Variants in SLC16A5 observed in about 807,000 individuals in gnomAD.
SLC16A5 encodes monocarboxylate transporter 6.
In SLC16A5, 29 loss-of-function variants were observed where a neutral mutation model predicts 33.2. The observed-to-expected ratio is 0.87, with a 90% CI of 0.65 to 1.19. SLC16A5 has a LOEUF of 1.19. SLC16A5 is among the 50% of genes most tolerant of loss of function. SLC16A5 has a pLI of 0.00. For synonymous variants in SLC16A5, 248 were observed against 284.1 expected (o/e 0.87, Z 1.28); for missense variants, 606 against 678.2 (o/e 0.89, Z 1.18).
In SLC16A5 at chr17:75,098,237, C is replaced by G. The variant is rs2073746358; in HGVS notation, c.343+56C>G. 1.9e-5 allele frequency: 31 copies of G among 1,605,310 alleles called. No individual in the cohort carries two copies. The South Asian group carries it at 3.4e-4, about 18-fold the overall frequency. On this transcript the variant is annotated intron_variant, in intron 4 of 6. Coordinates refer to ENST00000329783, the MANE Select transcript of SLC16A5 (RefSeq NM_004695.4). Reference sequence around the variant, plus strand: ...GGCACCTGCTAGAAAGTGCCAGGCACAAGTGGACAGGGCAGGCAGGCCTCT... The same window carrying G: ...GGCACCTGCTAGAAAGTGCCAGGCAGAAGTGGACAGGGCAGGCAGGCCTCT...
In SLC16A5 at chr17:75,104,134, T is replaced by G; in HGVS notation, c.1318T>G (p.Leu440Val). Residue 440 changes from leucine to valine, a missense_variant, in exon 6 of 7, where the codon TTG (leucine) becomes GTG (valine). By Grantham distance (32) the Leu-to-Val change is conservative. Transcript: ENST00000329783. ...GGATGCCCTGGAGCGGGATCTTTTC[T>G]TGGAAGCCAAAGACGGTCCTGGGAA... ...AADALERDLF[L>V]EAKDGPGKQR... 1 of 1,614,208 alleles carries G rather than the reference T, an allele frequency of 6.2e-7. No individual in the cohort carries two copies. Among genetic ancestry groups the G allele is most frequent in the Non-Finnish European group, 8.5e-7 (1 of 1,180,036 alleles).
At chr17:75,101,718 T>A (rs112674222) in intron 5 of SLC16A5, among the ~76,000 whole-genome samples, 16 of 151,888 alleles carry the variant, frequency 1.1e-4, no homozygotes, top group Non-Finnish European at 2.4e-4. Flanking sequence ...CACTGCAGCC[T>A]CAACCTGCCA....
intron 2 of SLC16A5, among the ~76,000 whole-genome samples, chr17:75,092,050 T>TGTGTGTGTGC (rs1555644943): frequency 6.6e-6 from 1 of 151,698 alleles, no homozygotes; most frequent in African/African-American, 2.4e-5. Context: ...TGTGTGTGTG[T>TGTGTGTGTGC]GCACGCATGC....
At chr17:75,095,951 G>A (rs771149121) in intron 3 of SLC16A5, among the ~76,000 whole-genome samples, 1 of 151,564 alleles carries the variant, frequency 6.6e-6, no homozygotes, top group East Asian at 1.9e-4. Flanking sequence ...GAGCCACCAC[G>A]CCCAGACCAT....
chr17:75,100,229 T>A lies in SLC16A5; in HGVS notation c.566T>A (p.Ile189Lys). The change falls in exon 5 of 7, where the codon ATA (isoleucine) becomes AAA (lysine). Residue 189 changes from isoleucine to lysine, a missense_variant. By Grantham distance (102) the Ile-to-Lys change is moderately radical (BLOSUM62 -3). Coordinates refer to ENST00000329783, the MANE Select transcript of SLC16A5 (RefSeq NM_004695.4). ...FLHCCICGAI[I>K]RPVATSVAPE... ...CACTGCTGCATCTGCGGGGCCATCA[T>A]AAGGCCTGTGGCCACCAGTGTGGCC... 6.2e-7 allele frequency: 1 copy of A among 1,614,238 alleles called. No homozygotes were observed. The highest frequency in any genetic ancestry group is 8.5e-7 in the Non-Finnish European group (1 of 1,180,036).
intron 2 of SLC16A5, among the ~76,000 whole-genome samples, chr17:75,090,662 T>G (rs1287440515): frequency 6.6e-6 from 1 of 151,884 alleles, no homozygotes; most frequent in African/African-American, 2.4e-5. Context: ...GGTTTCACTA[T>G]GTTGGCCAGG....
chr17:75,104,300 A>G lies in SLC16A5; in HGVS notation c.1364+120A>G, dbSNP rs2073836955. On this transcript the variant is annotated intron_variant, in intron 6 of 6. Transcript: ENST00000329783. ...GAGGGGGACCTCTAGCTCCTTCACC[A>G]GGGGCTTGGGTGAAGAGTAGCCCAG... The G allele has an allele frequency of 1.5e-5, 22 of 1,497,808 alleles. No homozygotes were observed. The South Asian group carries it at 2.8e-4, about 19-fold the overall frequency. The allele number at this position is 1,497,808 out of a possible 1,614,324, so 92.8% of individuals were successfully genotyped here. A position where few individuals can be genotyped will look rare whatever the true frequency, so the allele number is the denominator to read the frequency against.
At chr17:75,102,355 C>T (rs2073810209) in intron 5 of SLC16A5, among the ~76,000 whole-genome samples, 1 of 152,086 alleles carries the variant, frequency 6.6e-6, no homozygotes, top group African/African-American at 2.4e-5. Context: ...TTACAGTGAA[C>T]CAAGATCACA....
At position 75,098,111 on chromosome 17, in the gene SLC16A5, C is replaced by G; in HGVS notation, c.273C>G (p.Ser91Arg). Reference sequence around the variant, plus strand: ...TGATGCTGGGGGGCGTGCTGGCCAGCCTGGGCATGGTGGCCAGCTCCTTCT... The same window carrying G: ...TGATGCTGGGGGGCGTGCTGGCCAGGCTGGGCATGGTGGCCAGCTCCTTCT... ...VTVMLGGVLA[S>R]LGMVASSFSH... Residue 91 changes from serine to arginine, a missense_variant, in exon 4 of 7, where the codon AGC becomes AGG. Coordinates refer to ENST00000329783, the MANE Select transcript of SLC16A5 (RefSeq NM_004695.4). 1 of 1,611,970 alleles carries G rather than the reference C, an allele frequency of 6.2e-7. No homozygotes were observed. The highest frequency in any genetic ancestry group is 1.1e-5 in the South Asian group (1 of 90,758).
intron 5 of SLC16A5, among the ~76,000 whole-genome samples, chr17:75,101,561 GAAAAAA>G (rs531652324): frequency 8.8e-5 from 4 of 45,672 alleles, no homozygotes; most frequent in African/African-American, 1.9e-4. Context: ...GACTCCATCT[GAAAAAA>G]AAAAAAAAAA....
chr17:75,099,958 TG>T, intron 4 of SLC16A5, 48 bp from the exon 5 acceptor site: 1 of 1,540,808 alleles, frequency 6.5e-7, no homozygotes. Context: ...TGGGTGCAGG[TG>T]GAAGGCCCCA....
At chr17:75,105,168 G>T (rs1045287265) in intron 6 of SLC16A5, 1 of 985,428 alleles carries the variant, frequency 1.0e-6, no homozygotes, top group Non-Finnish European at 1.2e-6. Context: ...CCATCCTGGC[G>T]CCTGTGCAGA....
chr17:75,092,263 ATC>A (rs1195000324), intron 2 of SLC16A5, among the ~76,000 whole-genome samples: 1 of 151,122 alleles, frequency 6.6e-6, no homozygotes, highest in African/African-American at 2.4e-5. Context: ...GACGGTACAT[ATC>A]TCTGTGTTCG....
At chr17:75,088,755 CTG>C (rs1186965110) in intron 1 of SLC16A5, among the ~76,000 whole-genome samples, 1 of 152,168 alleles carries the variant, frequency 6.6e-6, no homozygotes, top group Non-Finnish European at 1.5e-5. Context: ...CCCCTCGACT[CTG>C]GACACCAGGC....
intron 5 of SLC16A5, among the ~76,000 whole-genome samples, chr17:75,102,386 C>T (rs533140308): frequency 2.6e-5 from 4 of 151,570 alleles, no homozygotes; most frequent in Admixed American, 2.0e-4. Context: ...CCAGCCTGGG[C>T]GACAGAGTGA....
chr17:75,106,401 T>C (rs760953553), downstream of SLC16A5, among the ~76,000 whole-genome samples: 18 of 152,028 alleles, frequency 1.2e-4, no homozygotes, highest in Admixed American at 2.6e-4. Flanking sequence ...TTGGTGCTAG[T>C]ATCCACCAGG....
In SLC16A5 at chr17:75,093,816, G is replaced by A. The variant is rs369736380; in HGVS notation, c.180G>A (p.Thr60=). The change falls in exon 3 of 7, where the codon ACG becomes ACA. Residue 60 remains threonine (T), a synonymous_variant. Coordinates refer to ENST00000329783, the MANE Select transcript of SLC16A5 (RefSeq NM_004695.4). The part of the protein sequence containing the change: ...SETSWFPSIL[T]AVLHMAGPLC... ...CCTCTTGGTTCCCCTCCATCCTCAC[G>A]GCTGTGCTCCACATGGCAGGTGAGC... The A allele has an allele frequency of 2.4e-5, 38 of 1,613,982 alleles. No homozygotes were observed. Among genetic ancestry groups the A allele is most frequent in the Non-Finnish European group, 2.7e-5 (32 of 1,179,972 alleles).
downstream of SLC16A5, among the ~76,000 whole-genome samples, chr17:75,108,501 C>T (rs2073879979): frequency 1.3e-5 from 2 of 152,216 alleles, no homozygotes; most frequent in Admixed American, 1.3e-4. Context: ...GGGGCTGCAG[C>T]TGGCTGGAGT....
chr17:75,105,654 A>G, intron 6 of SLC16A5: 1 of 985,452 alleles, frequency 1.0e-6, no homozygotes, highest in South Asian at 4.7e-5. Flanking sequence ...CGAGGGAATG[A>G]TAAAACAGAA....
Sources: gnomAD v4.1 joint callset for allele counts (sites outside exome capture counted in the v4.1 genomes callset) on GRCh38, gnomAD v4.1.1 for gene constraint, MANE v1.5 for transcripts, NCBI Gene and HGNC (gene_info 2026-07-23, HGNC 2026-07-21) for gene names.